UBE3A: variants seen among roughly 807,000 people sequenced by gnomAD.
The protein encoded by UBE3A is ubiquitin protein ligase E3A, also known as ubiquitin-protein ligase E3A.
In UBE3A, 6 loss-of-function variants were observed where a neutral mutation model predicts 83.4. The ratio of observed to expected loss-of-function variants is 0.07; its 90% CI spans 0.04 to 0.14. The LOEUF (loss-of-function observed/expected upper bound fraction) is 0.14, where lower values mean the gene tolerates loss of function less well. Ranked by LOEUF, UBE3A falls within the 10% of genes least tolerant of loss-of-function variation. The pLI, the probability that UBE3A is intolerant of heterozygous loss-of-function variation, is 1.00. For synonymous variants in UBE3A, 337 were observed against 355.4 expected (o/e 0.95, Z 0.58); for missense variants, 456 against 1,036.1 (o/e 0.44, Z 7.69).
chr15:25,364,730 G>A (rs1042087991), intron 6 of UBE3A, among the ~76,000 whole-genome samples: 2 of 145,126 alleles, frequency 1.4e-5, no homozygotes, highest in Admixed American at 1.4e-4. Context: ...TGCAAGCCCC[G>A]CCTCCCAGGT....
chr15:25,391,584 A>G (rs2084401386), intron 4 of UBE3A: 1 of 152,188 alleles, frequency 6.6e-6, no homozygotes, highest in African/African-American at 2.4e-5. Flanking sequence ...TTGTATGACT[A>G]CTGCTCCCCA....
At chr15:25,431,202 C>G (rs1893348112) in intron 1 of UBE3A, among the ~76,000 whole-genome samples, 1 of 152,162 alleles carries the variant, frequency 6.6e-6, no homozygotes, top group African/African-American at 2.4e-5. Context: ...TTCTCCCACT[C>G]TGTTCTTTAA....
intron 4 of UBE3A, among the ~76,000 whole-genome samples, chr15:25,392,518 G>A (rs2084640108): frequency 6.6e-6 from 1 of 152,082 alleles, no homozygotes; most frequent in Non-Finnish European, 1.5e-5. Context: ...AATTCTGCTT[G>A]TCAGGCTACA....
At chr15:25,410,971 A>C (rs2089881672) in intron 2 of UBE3A, among the ~76,000 whole-genome samples, 1 of 152,208 alleles carries the variant, frequency 6.6e-6, no homozygotes, top group Non-Finnish European at 1.5e-5. Flanking sequence ...TTGTAAACAC[A>C]AAAATAATAA....
chr15:25,367,550 A>G (rs1356676278), intron 6 of UBE3A, among the ~76,000 whole-genome samples: 1 of 152,006 alleles, frequency 6.6e-6, no homozygotes, highest in African/African-American at 2.4e-5. Context: ...GGTATTTGTG[A>G]AGAGACAACT....
At position 25,335,172 on chromosome 15, in the gene UBE3A, G is replaced by A. The variant is rs776789202; in HGVS notation, c.*3965C>T. On this transcript the variant is annotated 3_prime_UTR_variant, in exon 13 of 13. Transcript: ENST00000648336. ...ACTCCTCACTGTTCAACTAAGAAAT[G>A]TACCCCATTATGCTGTGCTACCACG... 1 of 152,186 alleles carries A rather than the reference G, an allele frequency of 6.6e-6. No homozygotes were observed. The highest frequency in any genetic ancestry group is 1.5e-5 in the Non-Finnish European group (1 of 68,046). 9.4% of individuals were successfully genotyped at this position (152,186 alleles called of 1,614,324 possible).
intron 1 of UBE3A, among the ~76,000 whole-genome samples, chr15:25,416,432 T>C (rs539142856): frequency 5.9e-5 from 9 of 152,246 alleles, no homozygotes; most frequent in African/African-American, 2.2e-4. Context: ...TGCTTGATTC[T>C]AGTTAAAGGA....
chr15:25,382,571 CAAAAAATAA>C (rs2082374531), intron 4 of UBE3A, among the ~76,000 whole-genome samples: 2 of 146,818 alleles, frequency 1.4e-5, no homozygotes, highest in South Asian at 2.2e-4. Flanking sequence ...TCAAACTTAC[CAAAAAATAA>C]AAAAAATAAA....
At chr15:25,379,091 C>T (rs972118896) in intron 4 of UBE3A, among the ~76,000 whole-genome samples, 1 of 152,110 alleles carries the variant, frequency 6.6e-6, no homozygotes, top group Non-Finnish European at 1.5e-5. Context: ...CGTAAGTTTC[C>T]TCGTAATTTA....
chr15:25,367,302 A>AT (rs1566942868), intron 6 of UBE3A, among the ~76,000 whole-genome samples: 1 of 143,530 alleles, frequency 7.0e-6, no homozygotes, highest in Non-Finnish European at 1.5e-5. Flanking sequence ...TAATTTACAT[A>AT]TTAAATTAAA....
rs534070239 is a variant in UBE3A at position 25,336,170 on chromosome 15, G to C, written c.*2967C>G. Reference sequence around the variant, plus strand: ...ATTCTTTACACACTAACACTGTTGAGGTAAAAGGAGACAAGTGAGGGAGCA... The same window carrying C: ...ATTCTTTACACACTAACACTGTTGACGTAAAAGGAGACAAGTGAGGGAGCA... On this transcript the variant is annotated 3_prime_UTR_variant, in exon 13 of 13. Coordinates refer to ENST00000648336, the MANE Select transcript of UBE3A (RefSeq NM_130839.5). The C allele has an allele frequency of 2.0e-5, 3 of 152,292 alleles. No individual in the cohort carries two copies. The South Asian group carries it at 6.2e-4, about 32-fold the overall frequency. The allele number at this position is 152,292 out of a possible 1,614,324, so 9.4% of individuals were successfully genotyped here.
intron 1 of UBE3A, among the ~76,000 whole-genome samples, chr15:25,430,051 T>TATA (rs1567190959): frequency 5.1e-5 from 4 of 78,012 alleles, no homozygotes; most frequent in African/African-American, 7.5e-5. Context: ...ATATATATAT[T>TATA]TATATGTATT....
At chr15:25,427,855 T>C (rs896028427) in intron 1 of UBE3A, among the ~76,000 whole-genome samples, 1 of 145,292 alleles carries the variant, frequency 6.9e-6, no homozygotes, top group Admixed American at 6.9e-5. Context: ...TTAGGACGAA[T>C]AGACTTTAAA....
intron 4 of UBE3A, among the ~76,000 whole-genome samples, chr15:25,384,581 C>CA (rs1182971610): frequency 1.3e-5 from 2 of 151,586 alleles, no homozygotes; most frequent in African/African-American, 4.9e-5. Context: ...GTTAAGATGG[C>CA]AATACTACCC....
At chr15:25,362,086 T>A (rs903843208) in intron 6 of UBE3A, among the ~76,000 whole-genome samples, 2 of 152,182 alleles carry the variant, frequency 1.3e-5, no homozygotes, top group Non-Finnish European at 2.9e-5. Context: ...CACATAGTAA[T>A]GGAACCTACT....
intron 1 of UBE3A, among the ~76,000 whole-genome samples, chr15:25,415,263 TATC>T (rs1240129672): frequency 5.3e-5 from 8 of 152,218 alleles, no homozygotes; most frequent in Non-Finnish European, 1.0e-4. Context: ...AAGTTACACA[TATC>T]ATTCTATATT....
At chr15:25,350,299 TA>T (rs34610959) in intron 11 of UBE3A, among the ~76,000 whole-genome samples, 114 of 142,972 alleles carry the variant, frequency 8.0e-4, no homozygotes, top group Middle Eastern at 3.6e-3. Flanking sequence ...TTTGTCTCTT[TA>T]AAAAAAAAAA....
intron 7 of UBE3A, among the ~76,000 whole-genome samples, chr15:25,358,153 C>T (rs1486239550): frequency 6.6e-6 from 1 of 152,040 alleles, no homozygotes; most frequent in African/African-American, 2.4e-5. Context: ...AGGCAGATCA[C>T]TTGAGCTCAG....
At chr15:25,352,114 G>C (rs1290740816) in intron 11 of UBE3A, among the ~76,000 whole-genome samples, 1 of 152,146 alleles carries the variant, frequency 6.6e-6, no homozygotes, top group African/African-American at 2.4e-5. Context: ...AGAATCACTT[G>C]AACCCAGGAA....
Sources: allele counts gnomAD v4.1 joint callset (sites outside exome capture counted in the v4.1 genomes callset), GRCh38; gene constraint gnomAD v4.1.1; transcripts MANE v1.5; gene names NCBI Gene and HGNC (gene_info 2026-07-23, HGNC 2026-07-21).